FKTN: variants seen among roughly 807,000 people sequenced by gnomAD.
The protein encoded by FKTN is fukutin.
A neutral mutation model predicts 58.6 loss-of-function variants in FKTN; 47 were observed. The observed-to-expected ratio is 0.80, with a 90% CI of 0.63 to 1.02. FKTN has a LOEUF of 1.02. Among genes scored for constraint, FKTN ranks in the 50% least tolerant of loss-of-function variants. The pLI, the probability that FKTN is intolerant of heterozygous loss-of-function variation, is 0.00. For missense variants in FKTN, 516 were observed against 537.3 expected, an observed-to-expected ratio of 0.96 and a Z score of 0.39; for synonymous variants, 178 against 191.9, an observed-to-expected ratio of 0.93 and a Z score of 0.60.
intron 8 of FKTN, among the ~76,000 whole-genome samples, chr9:105,617,196 T>C (rs954660490): frequency 6.6e-5 from 10 of 152,260 alleles, no homozygotes; most frequent in African/African-American, 2.2e-4. Context: ...TTATTTACTT[T>C]TGAAATAATT....
Position 105,635,491 on chromosome 9 carries a change from C to T in FKTN, c.*227C>T. ...AGTGGAGAAGCCTAGATGAATGAGA[C>T]AAATACCTACTTCTTTTATTCCTCC... is the stretch of plus-strand genomic sequence containing the variant. On this transcript the variant is annotated 3_prime_UTR_variant, in exon 11 of 11. Transcript: ENST00000357998. 7.1e-7 allele frequency: 1 copy of T among 1,409,710 alleles called. No individual in the cohort carries two copies. Among genetic ancestry groups the T allele is most frequent in the Non-Finnish European group, 9.2e-7 (1 of 1,086,784 alleles). The allele number at this position is 1,409,710 out of a possible 1,614,324, so 87.3% of individuals were successfully genotyped here.
rs1834314892 is a variant in FKTN at position 105,640,020 on chromosome 9, C to G, written c.*4756C>G. On this transcript the variant is annotated 3_prime_UTR_variant, in exon 11 of 11. Transcript: ENST00000357998. Reference sequence around the variant, plus strand: ...TTTAATTATCTATGCTGATGAATGCCTGTATCATTGTTAATAAAGGAGAAT... The same window carrying G: ...TTTAATTATCTATGCTGATGAATGCGTGTATCATTGTTAATAAAGGAGAAT... The G allele has an allele frequency of 1.3e-6, 2 of 1,527,674 alleles. No individual in the cohort carries two copies. Among genetic ancestry groups the G allele is most frequent in the East Asian group, 4.9e-5 (2 of 40,806 alleles). 94.6% of individuals were successfully genotyped at this position (1,527,674 alleles called of 1,614,324 possible).
Position 105,575,107 on chromosome 9 carries a change from G to T in FKTN, c.75G>T (p.Leu25Phe), listed in dbSNP as rs188900946. 2 of 1,606,230 alleles carry T rather than the reference G, an allele frequency of 1.2e-6. No homozygotes were observed. The highest frequency in any genetic ancestry group is 1.7e-6 in the Non-Finnish European group (2 of 1,172,998). Residue 25 changes from leucine (L) to phenylalanine (F), a missense_variant, in exon 3 of 11, where the codon TTG becomes TTT. Transcript: ENST00000357998. ...GTTCTGCATTTCTGCTGTTTCAGTT[G>T]TACTACTACAAGCACTATTTATCAA... Reference protein sequence around the residue: ...LTSSAFLLFQLYYYKHYLSTK... With the variant: ...LTSSAFLLFQFYYYKHYLSTK...
chr9:105,613,500 A>G (rs1431520549), intron 7 of FKTN, among the ~76,000 whole-genome samples: 2 of 152,230 alleles, frequency 1.3e-5, no homozygotes, highest in Non-Finnish European at 1.5e-5. Context: ...TAAAAGAATT[A>G]CAGGATATTT....
chr9:105,564,845 G>C (rs928255806), intron 1 of FKTN, among the ~76,000 whole-genome samples: 7 of 152,136 alleles, frequency 4.6e-5, no homozygotes, highest in African/African-American at 1.7e-4. Context: ...ACACGTAATT[G>C]TCAGATTCAC....
chr9:105,629,893 G>A (rs1214128797), intron 10 of FKTN, among the ~76,000 whole-genome samples: 1 of 152,088 alleles, frequency 6.6e-6, no homozygotes, highest in African/African-American at 2.4e-5. Context: ...GTCCTTTGTA[G>A]GGACATGGAT....
intron 7 of FKTN, 124 bp downstream of exon 7, chr9:105,608,075 G>A: frequency 1.3e-6 from 1 of 768,026 alleles, no homozygotes; most frequent in Non-Finnish European, 2.2e-6. Flanking sequence ...TTTTTGATAT[G>A]TCTCTTTTCT....
chr9:105,564,798 T>C (rs1262931366), intron 1 of FKTN, among the ~76,000 whole-genome samples: 1 of 152,054 alleles, frequency 6.6e-6, no homozygotes, highest in South Asian at 2.1e-4. Flanking sequence ...GTACAGAGAA[T>C]GCCACAAAGA....
At chr9:105,596,100 T>C (rs1826756126) in intron 3 of FKTN, among the ~76,000 whole-genome samples, 1 of 152,166 alleles carries the variant, frequency 6.6e-6, no homozygotes, top group South Asian at 2.1e-4. Flanking sequence ...GCAAAACAAA[T>C]AATAATGTTT....
chr9:105,572,895 ATTTC>A (rs146451369), intron 1 of FKTN, among the ~76,000 whole-genome samples: 3,140 of 152,234 alleles, frequency 0.021, 66 homozygotes, highest in East Asian at 0.071. Flanking sequence ...ATACACCCTT[ATTTC>A]TTTCTTCCAT....
intron 6 of FKTN, among the ~76,000 whole-genome samples, chr9:105,606,006 T>C (rs1004346846): frequency 6.6e-6 from 1 of 152,130 alleles, no homozygotes; most frequent in African/African-American, 2.4e-5. Flanking sequence ...AACCCATAAG[T>C]ATACACACCT....
chr9:105,602,115 G>A (rs1264066433), intron 5 of FKTN, among the ~76,000 whole-genome samples: 1 of 152,112 alleles, frequency 6.6e-6, no homozygotes, highest in Non-Finnish European at 1.5e-5. Flanking sequence ...TAGTGAGCAA[G>A]TTTCCAACAA....
intron 10 of FKTN, among the ~76,000 whole-genome samples, chr9:105,630,976 T>C (rs1833363633): frequency 6.6e-6 from 1 of 151,748 alleles, no homozygotes; most frequent in Admixed American, 6.6e-5. Flanking sequence ...CTACTAAAAA[T>C]AGAAAAATTA....
chr9:105,572,079 C>T (rs1478756824), intron 1 of FKTN, among the ~76,000 whole-genome samples: 2 of 152,120 alleles, frequency 1.3e-5, no homozygotes, highest in Non-Finnish European at 2.9e-5. Context: ...CTAATACCAT[C>T]ATCAATGTTG....
chr9:105,625,915 G>C (rs957031273), intron 10 of FKTN, among the ~76,000 whole-genome samples: 1 of 151,702 alleles, frequency 6.6e-6, no homozygotes, highest in African/African-American at 2.4e-5. Flanking sequence ...TTTCCCACAA[G>C]GTAACAGCGA....
At chr9:105,580,248 T>C (rs1842624025) in intron 3 of FKTN, among the ~76,000 whole-genome samples, 1 of 152,228 alleles carries the variant, frequency 6.6e-6, no homozygotes, top group African/African-American at 2.4e-5. Context: ...GTTGACGCAG[T>C]TTCTTCCTAG....
At position 105,640,004 on chromosome 9, in the gene FKTN, C is replaced by G; in HGVS notation, c.*4740C>G. 1 of 1,518,412 alleles carries G rather than the reference C, an allele frequency of 6.6e-7. No homozygotes were observed. 94.1% of individuals were successfully genotyped at this position (1,518,412 alleles called of 1,614,324 possible). ...GGAATACTTAATTTCATTTAATTAT[C>G]TATGCTGATGAATGCCTGTATCATT... On this transcript the variant is annotated 3_prime_UTR_variant, in exon 11 of 11. Coordinates refer to ENST00000357998, the MANE Select transcript of FKTN (RefSeq NM_001079802.2).
At chr9:105,580,492 G>A (rs1156780102) in intron 3 of FKTN, among the ~76,000 whole-genome samples, 1 of 125,612 alleles carries the variant, frequency 8.0e-6, no homozygotes, top group Non-Finnish European at 1.6e-5. Context: ...TTGAATATTG[G>A]CCCCCACTCT....
intron 10 of FKTN, among the ~76,000 whole-genome samples, chr9:105,628,866 A>C (rs1424441200): frequency 7.2e-5 from 11 of 152,220 alleles, no homozygotes. Flanking sequence ...AGGAAAAACC[A>C]ACCAACAGTG....
Sources: gnomAD v4.1 joint callset for allele counts (sites outside exome capture counted in the v4.1 genomes callset) on GRCh38, gnomAD v4.1.1 for gene constraint, MANE v1.5 for transcripts, NCBI Gene and HGNC (gene_info 2026-07-23, HGNC 2026-07-21) for gene names.